Variants in NFE2L2 observed in about 807,000 individuals in gnomAD.
The protein encoded by NFE2L2 is NFE2 like bZIP transcription factor 2.
In NFE2L2, 20 loss-of-function variants were observed where a neutral mutation model predicts 49.6. The observed-to-expected ratio is 0.40, with a 90% CI of 0.28 to 0.59. NFE2L2 has a LOEUF of 0.59. Ranked by LOEUF, NFE2L2 falls within the 20% of genes least tolerant of loss-of-function variation. The probability of loss-of-function intolerance (pLI) is 0.40; values close to 1 mark genes in which losing one functional copy is unlikely to be tolerated. For missense variants in NFE2L2, 578 were observed against 714.2 expected, an observed-to-expected ratio of 0.81 and a Z score of 2.17; for synonymous variants, 244 against 256.5, an observed-to-expected ratio of 0.95 and a Z score of 0.47.
chr2:177,237,399 A>G (rs1218429331), intron 1 of NFE2L2, among the ~76,000 whole-genome samples: 2 of 152,254 alleles, frequency 1.3e-5, no homozygotes, highest in South Asian at 2.1e-4. Flanking sequence ...GGGGATTCCC[A>G]CTAAAATAGG....
At chr2:177,232,709 A>G in intron 3 of NFE2L2, 126 bp from the exon 4 acceptor site, 3 of 848,776 alleles carry the variant, frequency 3.5e-6, no homozygotes, top group South Asian at 3.9e-5. Context: ...CTAACCAGTC[A>G]TGACCCCGTT....
At chr2:177,243,847 T>G (rs1265769712) in intron 1 of NFE2L2, among the ~76,000 whole-genome samples, 2 of 152,176 alleles carry the variant, frequency 1.3e-5, no homozygotes, top group African/African-American at 4.8e-5. Flanking sequence ...AAAGTAATAA[T>G]AAGTCAGTAT....
At chr2:177,260,638 C>A (rs1483446234) in intron 1 of NFE2L2, among the ~76,000 whole-genome samples, 1 of 152,134 alleles carries the variant, frequency 6.6e-6, no homozygotes, top group East Asian at 1.9e-4. Flanking sequence ...TTTCCTTCAG[C>A]CTGGTTTAAC....
rs111914348 is a variant in NFE2L2 at position 177,248,897 on chromosome 2, C to A, written c.46-14626G>T. 2.6e-3 allele frequency among the ~76,000 whole-genome samples: 402 copies of A among 152,236 alleles called. 6 individuals carry two copies. Among genetic ancestry groups the A allele is most frequent in the African/African-American group, 9.3e-3 (388 of 41,546 alleles). On this transcript the variant is annotated intron_variant, in intron 1 of 4. Coordinates refer to ENST00000397062, the MANE Select transcript of NFE2L2 (RefSeq NM_006164.5). ...CCAGCATTACATTATCAAGCGCAAA[C>A]CTGGCTCAAAATTAGCGTGGGCCCC...
intron 1 of NFE2L2, among the ~76,000 whole-genome samples, chr2:177,250,252 C>CCTTA (rs1690286561): frequency 6.6e-6 from 1 of 152,168 alleles, no homozygotes; most frequent in Non-Finnish European, 1.5e-5. Context: ...AAGTGAGAGG[C>CCTTA]CTTAGGTGCT....
At chr2:177,251,400 A>C (rs562431590) in intron 1 of NFE2L2, among the ~76,000 whole-genome samples, 2 of 152,288 alleles carry the variant, frequency 1.3e-5, no homozygotes, top group Admixed American at 1.3e-4. Context: ...TAGGCCCAGA[A>C]CCTCAGAGTA....
chr2:177,253,041 C>T (rs1690397953), intron 1 of NFE2L2, among the ~76,000 whole-genome samples: 2 of 152,210 alleles, frequency 1.3e-5, no homozygotes, highest in Non-Finnish European at 2.9e-5. Flanking sequence ...CTATGGCAAC[C>T]CCCAAGTTAA....
chr2:177,244,711 A>T (rs1316397499), intron 1 of NFE2L2, among the ~76,000 whole-genome samples: 2 of 152,204 alleles, frequency 1.3e-5, no homozygotes, highest in Non-Finnish European at 2.9e-5. Flanking sequence ...AACACACAAG[A>T]AGTAAATAAT....
intron 1 of NFE2L2, among the ~76,000 whole-genome samples, chr2:177,250,519 C>G (rs1690297463): frequency 6.6e-6 from 1 of 152,238 alleles, no homozygotes; most frequent in Admixed American, 6.5e-5. Context: ...GTGCTCAACA[C>G]TCTTCCAACC....
At chr2:177,263,359 G>T in intron 1 of NFE2L2, 1 of 985,288 alleles carries the variant, frequency 1.0e-6, no homozygotes, top group Non-Finnish European at 1.2e-6. Context: ...ATTACTAACA[G>T]ACTAAAAGCA....
intron 1 of NFE2L2, among the ~76,000 whole-genome samples, chr2:177,243,402 G>C (rs931418182): frequency 6.6e-6 from 1 of 152,178 alleles, no homozygotes; most frequent in Non-Finnish European, 1.5e-5. Flanking sequence ...ACACCGTAAG[G>C]CTTCTACAGA....
intron 3 of NFE2L2, 154 bp from the exon 4 acceptor site, chr2:177,232,737 T>C (rs914077587): frequency 7.1e-6 from 5 of 702,786 alleles, no homozygotes. Flanking sequence ...AACAAATCTT[T>C]TTTTCCTACC....
chr2:177,238,108 A>G (rs1689816765), intron 1 of NFE2L2, among the ~76,000 whole-genome samples: 1 of 152,170 alleles, frequency 6.6e-6, no homozygotes, highest in Non-Finnish European at 1.5e-5. Context: ...AATCAAAGAA[A>G]CTCAAATACT....
chr2:177,264,323 C>T (rs1240349587), intron 1 of NFE2L2: 3 of 506,004 alleles, frequency 5.9e-6, no homozygotes, highest in South Asian at 2.9e-5. Context: ...CCCTCGGGCT[C>T]GTGGTCGGTC....
At chr2:177,264,072 G>A (rs1325980056) in intron 1 of NFE2L2, among the ~76,000 whole-genome samples, 1 of 152,088 alleles carries the variant, frequency 6.6e-6, no homozygotes, top group Non-Finnish European at 1.5e-5. Context: ...GAGCGGCCCC[G>A]TGACTAGGCA....
chr2:177,252,868 C>T (rs775234012), intron 1 of NFE2L2, among the ~76,000 whole-genome samples: 2 of 152,234 alleles, frequency 1.3e-5, no homozygotes, highest in Non-Finnish European at 2.9e-5. Flanking sequence ...GGAGCCCGCT[C>T]ACCATCTCCC....
Position 177,264,593 on chromosome 2 carries a change from T to C in NFE2L2, c.-17A>G. On this transcript the variant is annotated 5_prime_UTR_variant, in exon 1 of 5. Coordinates refer to ENST00000397062, the MANE Select transcript of NFE2L2 (RefSeq NM_006164.5). ...GTCCATCATGATGAGCTGTGGACCG[T>C]GTGTTGGGGCTCCCCGACGGCGGCC... 6.8e-7 allele frequency: 1 copy of C among 1,463,162 alleles called. No homozygotes were observed. 90.6% of individuals were successfully genotyped at this position (1,463,162 alleles called of 1,614,324 possible).
In NFE2L2 at chr2:177,231,973, A is replaced by G; in HGVS notation, c.630T>C (p.Thr210=). 6.2e-7 allele frequency: 1 copy of G among 1,611,900 alleles called. No individual in the cohort carries two copies. The highest frequency in any genetic ancestry group is 8.5e-7 in the Non-Finnish European group (1 of 1,178,798). ...LNIENDKLVE[T]TMVPSPEAKL... ...TGGCTTCTGGACTTGGAACCATGGT[A>G]GTCTCAACCAGCTTGTCATTTTCAA... Residue 210 remains threonine, a synonymous_variant, in exon 5 of 5, where the codon ACT becomes ACC. Transcript: ENST00000397062.
intron 1 of NFE2L2, among the ~76,000 whole-genome samples, chr2:177,249,271 C>G (rs1202224870): frequency 6.6e-6 from 1 of 151,986 alleles, no homozygotes; most frequent in African/African-American, 2.4e-5. Flanking sequence ...CACTCCGGAT[C>G]TGGTAGAAGT....
Sources: gnomAD v4.1 joint callset for allele counts (sites outside exome capture counted in the v4.1 genomes callset) on GRCh38, gnomAD v4.1.1 for gene constraint, MANE v1.5 for transcripts, NCBI Gene and HGNC (gene_info 2026-07-23, HGNC 2026-07-21) for gene names.